The following SLC13A1 variants were observed in gnomAD, a reference collection of about 807,000 sequenced individuals.
The protein encoded by SLC13A1 is solute carrier family 13 member 1.
A neutral mutation model predicts 70.0 loss-of-function variants in SLC13A1; 65 were observed. The observed-to-expected ratio is 0.93, with a 90% CI of 0.76 to 1.14. SLC13A1 has a LOEUF of 1.14. Ranked by LOEUF, SLC13A1 falls within the 50% of genes most tolerant of loss-of-function variation. The probability of loss-of-function intolerance (pLI) is 0.00; values close to 1 mark genes in which losing one functional copy is unlikely to be tolerated. For synonymous variants in SLC13A1, 275 were observed against 250.5 expected, an observed-to-expected ratio of 1.10 and a Z score of -0.92; for missense variants, 726 against 717.8, an observed-to-expected ratio of 1.01 and a Z score of -0.13.
chr7:123,184,342 G>T (rs1795731321), intron 1 of SLC13A1, among the ~76,000 whole-genome samples: 1 of 151,928 alleles, frequency 6.6e-6, no homozygotes. Flanking sequence ...ATTAACTACA[G>T]TCACCATGTT....
intron 6 of SLC13A1, among the ~76,000 whole-genome samples, chr7:123,163,447 A>G (rs1277464898): frequency 6.6e-6 from 1 of 152,110 alleles, no homozygotes; most frequent in Admixed American, 6.6e-5. Flanking sequence ...TTTTTTAGAT[A>G]TGCAGCATAG....
chr7:123,170,562 A>G (rs1441351264), intron 3 of SLC13A1, among the ~76,000 whole-genome samples: 1 of 152,124 alleles, frequency 6.6e-6, no homozygotes, highest in Non-Finnish European at 1.5e-5. Context: ...TTTCTGTAGC[A>G]CCCTAAAAGG....
chr7:123,148,156 A>G (rs1454959211), intron 6 of SLC13A1, among the ~76,000 whole-genome samples: 1 of 152,160 alleles, frequency 6.6e-6, no homozygotes, highest in Non-Finnish European at 1.5e-5. Context: ...GGATCATGTA[A>G]CTTGGATATC....
rs1793132539 is a variant in SLC13A1, at chr7:123,115,003, T to C, written c.*515A>G. The C allele has an allele frequency of 6.6e-6, 1 of 152,272 alleles. No homozygotes were observed. Among genetic ancestry groups the C allele is most frequent in the Admixed American group, 6.5e-5 (1 of 15,286 alleles). The allele number at this position is 152,272 out of a possible 1,614,324, so 9.4% of individuals were successfully genotyped here. On this transcript the variant is annotated 3_prime_UTR_variant, in exon 15 of 15. Transcript: ENST00000194130. Reference sequence around the variant, plus strand: ...TTTAAATGAGGAAATGCACATATCATTTAGATTAAACTTTTCTCTTCATCA... The same window carrying C: ...TTTAAATGAGGAAATGCACATATCACTTAGATTAAACTTTTCTCTTCATCA...
intron 7 of SLC13A1, among the ~76,000 whole-genome samples, chr7:123,139,548 T>G (rs1794062175): frequency 6.6e-6 from 1 of 152,036 alleles, no homozygotes; most frequent in South Asian, 2.1e-4. Flanking sequence ...TCCATGAACA[T>G]GAAATATCTT....
intron 7 of SLC13A1, among the ~76,000 whole-genome samples, chr7:123,135,800 A>C (rs1178654320): frequency 6.6e-6 from 1 of 152,150 alleles, no homozygotes; most frequent in Admixed American, 6.6e-5. Context: ...ATCTTTAGCA[A>C]CTGGAGGATA....
Position 123,117,321 on chromosome 7 carries a change from G to A in SLC13A1, c.1650+150C>T, listed in dbSNP as rs74332309. The A allele has an allele frequency of 1.3e-4, 85 of 646,088 alleles. No individual in the cohort carries two copies. The East Asian group carries it at 2.3e-3, about 18-fold the overall frequency. 40.0% of individuals were successfully genotyped at this position (646,088 alleles called of 1,614,324 possible). A position where few individuals can be genotyped will look rare whatever the true frequency, so the allele number is the denominator to read the frequency against. ...GATAATCACTCTTAAAAACAATTTT[G>A]TGATTAGTCATGCACACTGCATTCA... On this transcript the variant is annotated intron_variant, in intron 14 of 14. Transcript: ENST00000194130.
Position 123,168,535 on chromosome 7 carries a change from C to A in SLC13A1, c.580G>T (p.Glu194Ter). The A allele has an allele frequency of 1.2e-6, 2 of 1,609,890 alleles. No homozygotes were observed. The highest frequency in any genetic ancestry group is 2.2e-5 in the South Asian group (2 of 90,628). ...DESVNGHEIN[E>*]RKEKTKPVPG... ...ACTGGTTTTGTTTTCTCTTTCCTCT[C>A]ATTTATTTCATGTCCATTAACACTT... The change falls in exon 5 of 15, where the codon GAG (glutamate) becomes TAG (stop). Residue 194 changes from glutamate to a stop codon, truncating the protein, a stop_gained. Transcript: ENST00000194130. LOFTEE classifies it high-confidence loss of function.
At position 123,128,994 on chromosome 7, in the gene SLC13A1, C is replaced by A. The variant is rs1337563743; in HGVS notation, c.1032-48G>T. On this transcript the variant is annotated intron_variant, in intron 9 of 14. Transcript: ENST00000194130. Reference sequence around the variant, plus strand: ...TCACTTCTTATTTTCTCAGTCGGGACATTTGTAGAAACTCCTTGAGCTATT... The same window carrying A: ...TCACTTCTTATTTTCTCAGTCGGGAAATTTGTAGAAACTCCTTGAGCTATT... 5 of 1,284,340 alleles carry A rather than the reference C, an allele frequency of 3.9e-6. No homozygotes were observed. The East Asian group carries it at 1.2e-4, about 31-fold the overall frequency. The allele number at this position is 1,284,340 out of a possible 1,614,324, so 79.6% of individuals were successfully genotyped here.
At chr7:123,125,293 T>A (rs1445532707) in intron 11 of SLC13A1, among the ~76,000 whole-genome samples, 1 of 152,098 alleles carries the variant, frequency 6.6e-6, no homozygotes, top group Non-Finnish European at 1.5e-5. Flanking sequence ...TTGAAGTGAG[T>A]TTACCATGGG....
intron 6 of SLC13A1, among the ~76,000 whole-genome samples, chr7:123,165,523 C>T (rs1440302065): frequency 2.0e-5 from 3 of 152,102 alleles, no homozygotes; most frequent in East Asian, 1.9e-4. Context: ...CCCTCGTCCC[C>T]AATGTCTAAT....
chr7:123,128,564 TAATTTTGTAGGGATGGG>T (rs897448049), intron 10 of SLC13A1, among the ~76,000 whole-genome samples: 3 of 152,108 alleles, frequency 2.0e-5, no homozygotes, highest in Non-Finnish European at 2.9e-5. Flanking sequence ...GGGATGGGAA[TAATTTTGTAGGGATGGG>T]AATTTTGTAG....
chr7:123,132,500 T>C (rs1041318175), intron 8 of SLC13A1, among the ~76,000 whole-genome samples: 1 of 152,112 alleles, frequency 6.6e-6, no homozygotes, highest in Non-Finnish European at 1.5e-5. Flanking sequence ...GCCTCCTGAG[T>C]AGCTGGGATT....
At chr7:123,123,033 G>T in intron 12 of SLC13A1, 93 bp downstream of exon 12, 2 of 1,010,260 alleles carry the variant, frequency 2.0e-6, no homozygotes, top group Non-Finnish European at 3.1e-6. Context: ...AAATGACAGA[G>T]TGAAATTGAA....
chr7:123,185,592 A>G (rs1309150089), intron 1 of SLC13A1, among the ~76,000 whole-genome samples: 2 of 152,050 alleles, frequency 1.3e-5, no homozygotes, highest in Admixed American at 1.3e-4. Flanking sequence ...AGTTGGCTGT[A>G]AATGTAGAGA....
At chr7:123,175,575 A>T (rs770231806) in intron 2 of SLC13A1, among the ~76,000 whole-genome samples, 4 of 152,098 alleles carry the variant, frequency 2.6e-5, no homozygotes, top group Non-Finnish European at 5.9e-5. Flanking sequence ...CCATCATGTG[A>T]GGATGCAGCA....
At position 123,115,516 on chromosome 7, in the gene SLC13A1, T is replaced by G. The variant is rs1176976539; in HGVS notation, c.*2A>C. The G allele has an allele frequency of 6.2e-7, 1 of 1,605,892 alleles. No homozygotes were observed. Among genetic ancestry groups the G allele is most frequent in the South Asian group, 1.1e-5 (1 of 89,818 alleles). ...GCAAGATAGTCAGAAATTTTGTGCT[T>G]ATTATGGCATGGTCTCATTACTCAT... On this transcript the variant is annotated 3_prime_UTR_variant, in exon 15 of 15. Transcript: ENST00000194130.
At chr7:123,152,988 T>C (rs1357757154) in intron 6 of SLC13A1, among the ~76,000 whole-genome samples, 1 of 152,124 alleles carries the variant, frequency 6.6e-6, no homozygotes, top group Non-Finnish European at 1.5e-5. Context: ...TGAATATTAT[T>C]AAATTGATAA....
At chr7:123,168,992 C>T (rs536086145) in intron 4 of SLC13A1, among the ~76,000 whole-genome samples, 156 bp downstream of exon 4, 74 of 152,224 alleles carry the variant, frequency 4.9e-4, no homozygotes, top group African/African-American at 1.8e-3. Context: ...TTGTAGAAAA[C>T]TATTTTTGTA....
Sources: allele counts gnomAD v4.1 joint callset (sites outside exome capture counted in the v4.1 genomes callset), GRCh38; gene constraint gnomAD v4.1.1; transcripts MANE v1.5; gene names NCBI Gene and HGNC (gene_info 2026-07-23, HGNC 2026-07-21).